The following DYNC1I1 variants were observed in gnomAD, a reference collection of about 807,000 sequenced individuals.
DYNC1I1 encodes the protein cytoplasmic dynein 1 intermediate chain 1.
Under a neutral mutation model 86.6 loss-of-function variants are expected in DYNC1I1, and 43 were observed. The ratio of observed to expected loss-of-function variants is 0.50; its 90% confidence interval spans 0.39 to 0.64. The LOEUF (loss-of-function observed/expected upper bound fraction) is 0.64, where lower values mean the gene tolerates loss of function less well. Among genes scored for constraint, DYNC1I1 ranks in the 30% least tolerant of loss-of-function variants. DYNC1I1 has a pLI of 0.00. For synonymous variants in DYNC1I1, 262 were observed against 283.7 expected, an observed-to-expected ratio of 0.92 and a Z score of 0.77; for missense variants, 604 against 788.8, an observed-to-expected ratio of 0.77 and a Z score of 2.81.
intron 1 of DYNC1I1, among the ~76,000 whole-genome samples, chr7:95,777,897 A>G (rs1459657303): frequency 2.0e-5 from 3 of 152,152 alleles, no homozygotes; most frequent in Non-Finnish European, 2.9e-5. Context: ...CTGCAGCTCC[A>G]TCACCTCCAC....
At chr7:95,995,298 C>T (rs1326130758) in intron 9 of DYNC1I1, among the ~76,000 whole-genome samples, 1 of 134,500 alleles carries the variant, frequency 7.4e-6, no homozygotes, top group East Asian at 2.3e-4. Context: ...TGTAGAATGG[C>T]TGGCCTGGGC....
chr7:95,804,578 TC>T lies in DYNC1I1; in HGVS notation c.-9-142del. ...AACTTAATTTGTTTCTTTGATTCTT[TC>T]ACATAGGCTAAATAATACAACCTCT... On this transcript the variant is annotated intron_variant, in intron 1 of 16. Coordinates refer to ENST00000447467, the MANE Select transcript of DYNC1I1 (RefSeq NM_001135556.2). 2.9e-6 allele frequency: 3 copies of T among 1,025,508 alleles called. No individual in the cohort carries two copies. In the South Asian group the frequency reaches 5.7e-5, roughly 19 times the overall value. 63.5% of individuals were successfully genotyped at this position (1,025,508 alleles called of 1,614,324 possible).
At chr7:96,077,947 C>T (rs1332175658) in intron 15 of DYNC1I1, among the ~76,000 whole-genome samples, 2 of 152,120 alleles carry the variant, frequency 1.3e-5, no homozygotes, top group African/African-American at 2.4e-5. Flanking sequence ...GTCATGCAAA[C>T]TGTTTAGTTT....
chr7:95,917,240 G>A (rs1448219689), intron 6 of DYNC1I1, among the ~76,000 whole-genome samples: 1 of 152,156 alleles, frequency 6.6e-6, no homozygotes, highest in Admixed American at 6.6e-5. Context: ...GGTGTCCGTG[G>A]CTTCGGTAGC....
chr7:96,048,595 C>T (rs191412924), intron 14 of DYNC1I1, among the ~76,000 whole-genome samples: 1 of 152,278 alleles, frequency 6.6e-6, no homozygotes, highest in African/African-American at 2.4e-5. Context: ...AAGAGCCATG[C>T]CCTAAACCAC....
At chr7:95,907,561 AC>A (rs1379502282) in intron 6 of DYNC1I1, among the ~76,000 whole-genome samples, 1 of 152,044 alleles carries the variant, frequency 6.6e-6, no homozygotes, top group African/African-American at 2.4e-5. Flanking sequence ...TCTTCCAGTG[AC>A]ATTCCCTCTG....
intron 5 of DYNC1I1, among the ~76,000 whole-genome samples, chr7:95,857,625 C>T (rs552388516): frequency 2.6e-5 from 4 of 152,302 alleles, no homozygotes; most frequent in South Asian, 2.1e-4. Context: ...AAGCAAGACT[C>T]TTATCCTGTC....
At chr7:96,042,364 GCT>G (rs1436242951) in intron 14 of DYNC1I1, among the ~76,000 whole-genome samples, 3 of 152,126 alleles carry the variant, frequency 2.0e-5, no homozygotes, top group African/African-American at 4.8e-5. Context: ...CATATTCACT[GCT>G]CTGTTCACCA....
At chr7:95,929,654 A>G (rs2116404514) in intron 6 of DYNC1I1, among the ~76,000 whole-genome samples, 1 of 152,350 alleles carries the variant, frequency 6.6e-6, no homozygotes, top group South Asian at 2.1e-4. Flanking sequence ...TTCAGAATAT[A>G]AGGAGAAACC....
At chr7:96,079,126 T>C (rs1333854965) in intron 15 of DYNC1I1, among the ~76,000 whole-genome samples, 1 of 152,150 alleles carries the variant, frequency 6.6e-6, no homozygotes, top group Admixed American at 6.5e-5. Context: ...TAGATTCTTA[T>C]ATATGATGGA....
At chr7:96,101,745 A>G (rs1791140247), downstream of DYNC1I1, among the ~76,000 whole-genome samples, 1 of 152,114 alleles carries the variant, frequency 6.6e-6, no homozygotes, top group Non-Finnish European at 1.5e-5. Context: ...TACTTACATC[A>G]GGTACCTGGC....
chr7:95,893,092 G>A (rs1334712035), intron 6 of DYNC1I1, among the ~76,000 whole-genome samples: 1 of 152,020 alleles, frequency 6.6e-6, no homozygotes, highest in African/African-American at 2.4e-5. Context: ...GAAAAGGGAG[G>A]GTTAAAAATA....
intron 5 of DYNC1I1, among the ~76,000 whole-genome samples, chr7:95,836,749 G>T (rs1789104461): frequency 6.6e-6 from 1 of 151,950 alleles, no homozygotes; most frequent in Non-Finnish European, 1.5e-5. Flanking sequence ...CTTTCTTCCA[G>T]TTGATTGCAT....
chr7:95,894,000 G>A (rs1790810748), intron 6 of DYNC1I1, among the ~76,000 whole-genome samples: 1 of 152,212 alleles, frequency 6.6e-6, no homozygotes. Flanking sequence ...CCCAAACAAT[G>A]AGAATCTCTG....
chr7:95,803,575 A>G lies in DYNC1I1; in HGVS notation c.-9-1146A>G, dbSNP rs117995595. On this transcript the variant is annotated intron_variant, in intron 1 of 16. Transcript: ENST00000447467. ...GTCCCAGAGTGACTGTAGATTCATG[A>G]TTACCGTCTGGGGACAACGACAAAA... Among the ~76,000 whole-genome samples the G allele has an allele frequency of 6.4e-3, 971 of 152,290 alleles. 20 individuals are homozygous for G. Among genetic ancestry groups the G allele is most frequent in the East Asian group, 0.03 (154 of 5,166 alleles).
At chr7:95,823,765 C>T (rs1795133492) in intron 4 of DYNC1I1, among the ~76,000 whole-genome samples, 2 of 151,654 alleles carry the variant, frequency 1.3e-5, no homozygotes, top group Non-Finnish European at 2.9e-5. Context: ...TTATTGTTCT[C>T]ACAACAAATT....
intron 14 of DYNC1I1, among the ~76,000 whole-genome samples, chr7:96,073,632 T>C (rs950150847): frequency 4.6e-5 from 7 of 152,202 alleles, no homozygotes; most frequent in Non-Finnish European, 8.8e-5. Flanking sequence ...CCCTCAGATA[T>C]ACTATCAGCT....
intron 14 of DYNC1I1, among the ~76,000 whole-genome samples, chr7:96,072,923 C>T (rs1790211928): frequency 6.6e-6 from 1 of 151,946 alleles, no homozygotes; most frequent in African/African-American, 2.4e-5. Context: ...ACCCTTTGAG[C>T]CTGAATAAAA....
chr7:95,793,212 A>AT (rs1794351855), intron 1 of DYNC1I1, among the ~76,000 whole-genome samples: 1 of 152,166 alleles, frequency 6.6e-6, no homozygotes, highest in Admixed American at 6.5e-5. Flanking sequence ...GTGAAAGGAC[A>AT]TGGATCAGAG....
Sources: allele counts gnomAD v4.1 joint callset (sites outside exome capture counted in the v4.1 genomes callset), GRCh38; gene constraint gnomAD v4.1.1; transcripts MANE v1.5; gene names NCBI Gene and HGNC (gene_info 2026-07-23, HGNC 2026-07-21).